Variants in SNTG1 observed in about 807,000 individuals in gnomAD.
SNTG1 encodes syntrophin gamma 1, also known as gamma-1-syntrophin.
A neutral mutation model predicts 74.7 loss-of-function variants in SNTG1; 39 were observed. That is an observed-to-expected ratio of 0.52 (90% CI 0.40 to 0.68). The LOEUF is 0.68. Among genes scored for constraint, SNTG1 ranks in the 30% least tolerant of loss-of-function variants. SNTG1 has a pLI of 0.00. For missense variants in SNTG1, 685 were observed against 609.5 expected (o/e 1.12, Z -1.30); for synonymous variants, 254 against 217.1 (o/e 1.17, Z -1.49).
intron 12 of SNTG1, among the ~76,000 whole-genome samples, chr8:50,567,603 C>G (rs1213549169): frequency 6.6e-6 from 1 of 151,880 alleles, no homozygotes; most frequent in African/African-American, 2.4e-5. Context: ...TTTTCCCCAC[C>G]TGACAAGAAT....
chr8:50,362,115 T>C (rs1446506664), intron 2 of SNTG1, among the ~76,000 whole-genome samples: 1 of 152,106 alleles, frequency 6.6e-6, no homozygotes, highest in African/African-American at 2.4e-5. Context: ...CCAATTATAT[T>C]TGTATAGAAA....
intron 1 of SNTG1, among the ~76,000 whole-genome samples, chr8:50,083,078 C>T (rs564838238): frequency 6.6e-6 from 1 of 152,284 alleles, no homozygotes; most frequent in African/African-American, 2.4e-5. Flanking sequence ...GGTTAAACTA[C>T]TATGCCAACA....
intron 13 of SNTG1, among the ~76,000 whole-genome samples, chr8:50,636,484 G>T (rs1397687680): frequency 6.6e-6 from 1 of 152,016 alleles, no homozygotes; most frequent in African/African-American, 2.4e-5. Flanking sequence ...TTCCCCTGTG[G>T]CTATGGCTTA....
chr8:50,074,813 GGCCAAAGCCAGAGCCAAC>G (rs1289411276), intron 1 of SNTG1, among the ~76,000 whole-genome samples: 48 of 152,174 alleles, frequency 3.2e-4, no homozygotes, highest in African/African-American at 1.1e-3. Flanking sequence ...TCTCTGGGCT[GGCCAAAGCCAGAGCCAAC>G]TCCCTCTGCT....
At chr8:50,477,170 T>A (rs1330953054) in intron 8 of SNTG1, among the ~76,000 whole-genome samples, 2 of 152,028 alleles carry the variant, frequency 1.3e-5, no homozygotes, top group Admixed American at 6.6e-5. Context: ...ACTTGCCACT[T>A]CTTAAGTATG....
intron 13 of SNTG1, among the ~76,000 whole-genome samples, chr8:50,638,660 G>T (rs2095054063): frequency 6.6e-6 from 1 of 152,060 alleles, no homozygotes; most frequent in Non-Finnish European, 1.5e-5. Context: ...ATTCTTGAGA[G>T]TCTTCTTGAG....
intron 13 of SNTG1, among the ~76,000 whole-genome samples, chr8:50,622,859 A>G (rs1423766697): frequency 1.3e-5 from 2 of 152,166 alleles, no homozygotes; most frequent in South Asian, 2.1e-4. Context: ...TTTCAGTTAC[A>G]TCTTCTCAAA....
intron 1 of SNTG1, among the ~76,000 whole-genome samples, chr8:49,952,117 T>C (rs772858772): frequency 6.6e-6 from 1 of 152,162 alleles, no homozygotes; most frequent in African/African-American, 2.4e-5. Context: ...AACAGACTGT[T>C]CTTATAGTGC....
At chr8:50,661,165 C>A (rs2095221100) in intron 15 of SNTG1, among the ~76,000 whole-genome samples, 1 of 152,110 alleles carries the variant, frequency 6.6e-6, no homozygotes, top group Non-Finnish European at 1.5e-5. Flanking sequence ...CCACTGCTTT[C>A]ATTGAGCTTG....
chr8:50,363,750 A>G (rs773144032), intron 2 of SNTG1, among the ~76,000 whole-genome samples: 1 of 152,134 alleles, frequency 6.6e-6, no homozygotes, highest in Non-Finnish European at 1.5e-5. Flanking sequence ...GAGTTTTTGT[A>G]GGTCTAAATA....
intron 17 of SNTG1, among the ~76,000 whole-genome samples, chr8:50,712,251 A>G (rs1417082411): frequency 6.6e-6 from 1 of 152,178 alleles, no homozygotes; most frequent in African/African-American, 2.4e-5. Context: ...ATTTGAGGGA[A>G]GAGGAGATGA....
At chr8:50,345,760 A>G (rs2091454453) in intron 2 of SNTG1, among the ~76,000 whole-genome samples, 3 of 152,200 alleles carry the variant, frequency 2.0e-5, no homozygotes, top group African/African-American at 7.2e-5. Context: ...ACATTGTGAT[A>G]TTCTTTTATC....
intron 2 of SNTG1, among the ~76,000 whole-genome samples, chr8:50,225,330 T>C (rs1442626859): frequency 1.3e-5 from 2 of 152,176 alleles, no homozygotes; most frequent in African/African-American, 4.8e-5. Context: ...AACCTTGGTC[T>C]CCACAACCCC....
chr8:50,228,657 G>A (rs1282058510), intron 2 of SNTG1, among the ~76,000 whole-genome samples: 1 of 151,754 alleles, frequency 6.6e-6, no homozygotes, highest in African/African-American at 2.4e-5. Context: ...AAATTACACT[G>A]ACTTACCGTT....
chr8:50,061,882 G>A (rs879483937), intron 1 of SNTG1, among the ~76,000 whole-genome samples: 3 of 152,004 alleles, frequency 2.0e-5, no homozygotes, highest in Non-Finnish European at 4.4e-5. Context: ...TGTGGATGTG[G>A]TCATTCTTGG....
At position 50,097,321 on chromosome 8, in the gene SNTG1, A is replaced by G. The variant is rs1401050160; in HGVS notation, c.-102-75240A>G. Among the ~76,000 whole-genome samples, 4 of 152,176 alleles carry G rather than the reference A, an allele frequency of 2.6e-5. No individual in the cohort carries two copies. In the East Asian group the frequency reaches 7.7e-4, roughly 29 times the overall value. On this transcript the variant is annotated intron_variant, in intron 1 of 18. Transcript: ENST00000642720. ...TGTGAATTTGATATAGTCCATGTTG[A>G]AGAATTTGTTTTTGCTAGGAACTAA...
intron 15 of SNTG1, among the ~76,000 whole-genome samples, chr8:50,684,649 A>G (rs556135124): frequency 3.1e-4 from 47 of 152,046 alleles, no homozygotes; most frequent in African/African-American, 1.1e-3. Flanking sequence ...ATCTATCCAT[A>G]TTTTAAGAAA....
chr8:50,610,439 A>C (rs2094841993), intron 13 of SNTG1, among the ~76,000 whole-genome samples: 1 of 151,934 alleles, frequency 6.6e-6, no homozygotes, highest in Non-Finnish European at 1.5e-5. Flanking sequence ...ATAGCTTCCT[A>C]CTCAGCCAGG....
intron 1 of SNTG1, among the ~76,000 whole-genome samples, chr8:49,944,355 T>C (rs1382464069): frequency 6.6e-6 from 1 of 152,140 alleles, no homozygotes; most frequent in Non-Finnish European, 1.5e-5. Flanking sequence ...GATCAGTAGA[T>C]GCTGTGCTAA....
Sources: allele counts gnomAD v4.1 joint callset (sites outside exome capture counted in the v4.1 genomes callset), GRCh38; gene constraint gnomAD v4.1.1; transcripts MANE v1.5; gene names NCBI Gene and HGNC (gene_info 2026-07-23, HGNC 2026-07-21).